Variants in ATCAY observed in about 807,000 individuals in gnomAD.
ATCAY encodes ATCAY kinesin light chain interacting caytaxin.
A neutral mutation model predicts 47.7 loss-of-function variants in ATCAY; 22 were observed. The observed-to-expected ratio is 0.46, with a 90% CI of 0.33 to 0.66. The LOEUF (loss-of-function observed/expected upper bound fraction) is 0.66. Among genes scored for constraint, ATCAY ranks in the 30% least tolerant of loss-of-function variants. The pLI, the probability that ATCAY is intolerant of heterozygous loss-of-function variation, is 0.02. For synonymous variants in ATCAY, 216 were observed against 207.6 expected (o/e 1.04, Z -0.35); for missense variants, 452 against 515.0 (o/e 0.88, Z 1.18).
chr19:3,919,699 C>G (rs1011352615), intron 11 of ATCAY, among the ~76,000 whole-genome samples: 1 of 150,762 alleles, frequency 6.6e-6, no homozygotes, highest in Non-Finnish European at 1.5e-5. Context: ...GAGGTCAAGG[C>G]TACAGCAAGC....
chr19:3,905,300 G>C, intron 3 of ATCAY, 134 bp from the exon 4 acceptor site: 2 of 838,016 alleles, frequency 2.4e-6, no homozygotes. Context: ...CCCGCCAATG[G>C]CATGGATACA....
chr19:3,903,696 G>A (rs1411975690), intron 3 of ATCAY, among the ~76,000 whole-genome samples: 6 of 151,584 alleles, frequency 4.0e-5, no homozygotes, highest in African/African-American at 2.4e-5. Context: ...GTTAATTTTT[G>A]TAGTTTTTTG....
intron 12 of ATCAY, among the ~76,000 whole-genome samples, chr19:3,922,477 G>A (rs560141282): frequency 5.4e-4 from 82 of 152,198 alleles, no homozygotes; most frequent in African/African-American, 1.5e-3. Context: ...GGAGGTAGCC[G>A]CCCCCATGGT....
chr19:3,913,668 G>T, intron 8 of ATCAY, 90 bp from the exon 9 acceptor site: 2 of 945,466 alleles, frequency 2.1e-6, no homozygotes, highest in Middle Eastern at 2.1e-4. Context: ...GTCCTGTGGG[G>T]ATCCCTGTCG....
intron 2 of ATCAY, among the ~76,000 whole-genome samples, chr19:3,890,163 C>T (rs752864892): frequency 7.4e-5 from 11 of 149,376 alleles, no homozygotes; most frequent in South Asian, 6.3e-4. Context: ...AGGCTGGTCT[C>T]GAACTCTCAA....
intron 6 of ATCAY, 108 bp from the exon 7 acceptor site, chr19:3,909,378 G>T: frequency 7.4e-7 from 1 of 1,359,466 alleles, no homozygotes. Context: ...GACCAGTGGG[G>T]CTGACCCAGC....
intron 7 of ATCAY, 35 bp downstream of exon 7, chr19:3,909,652 G>C (rs367915484): frequency 3.2e-6 from 5 of 1,552,560 alleles, no homozygotes; most frequent in Middle Eastern, 3.3e-4. Context: ...CACAGTGGGG[G>C]CATGAAAATC....
rs564953293 is a variant in ATCAY at position 3,905,600 on chromosome 19, C to T, written c.303C>T (p.Pro101=). The part of the protein sequence containing the change: ...LDINVDDIET[P]DETDSLEFLG... ...TTAACGTGGATGACATCGAGACCCC[C>T]GATGAGACCGACTCGCTGGAGTTCC... The change falls in exon 4 of 13, where the codon CCC becomes CCT. Residue 101 remains proline, a synonymous_variant. Transcript: ENST00000450849. The T allele has an allele frequency of 3.7e-6, 6 of 1,613,684 alleles. No homozygotes were observed. In the African/African-American group the frequency reaches 5.3e-5, roughly 14 times the overall value.
Position 3,920,748 on chromosome 19 carries a change from T to C in ATCAY, c.1074-18T>C. 1 of 1,596,850 alleles carries C rather than the reference T, an allele frequency of 6.3e-7. No individual in the cohort carries two copies. The highest frequency in any genetic ancestry group is 8.5e-7 in the Non-Finnish European group (1 of 1,169,684). On this transcript the variant is annotated intron_variant, in intron 11 of 12. Transcript: ENST00000450849. ...AAAAATAAGCAAATAACGCCCAGTC[T>C]CCGTCTCTCCTCCACAGGTCTGCTC...
Position 3,923,382 on chromosome 19 carries a change from AAAG to A in ATCAY, c.1107-1197_1107-1195del, listed in dbSNP as rs146803088. On this transcript the variant is annotated intron_variant, in intron 12 of 12. Coordinates refer to ENST00000450849, the MANE Select transcript of ATCAY (RefSeq NM_033064.5). ...GCATGTTTTAACAATTAAAAACACA[AAAG>A]AAGGAATTGTAAGAAGCAATAGATG... 6.1e-3 allele frequency among the ~76,000 whole-genome samples: 936 copies of A among 152,328 alleles called. 17 individuals carry two copies. Among genetic ancestry groups the A allele is most frequent in the African/African-American group, 0.022 (902 of 41,578 alleles).
chr19:3,882,177 G>T (rs1426767288), intron 1 of ATCAY, among the ~76,000 whole-genome samples: 3 of 152,034 alleles, frequency 2.0e-5, no homozygotes, highest in African/African-American at 7.2e-5. Flanking sequence ...GAGAGTTGGG[G>T]GCCTTAGATG....
intron 3 of ATCAY, among the ~76,000 whole-genome samples, chr19:3,902,938 A>G (rs2038827890): frequency 6.6e-6 from 1 of 152,122 alleles, no homozygotes; most frequent in Admixed American, 6.6e-5. Context: ...CTCTAAACAT[A>G]TACATTTTAA....
At chr19:3,916,390 CT>C (rs1425960582) in intron 9 of ATCAY, among the ~76,000 whole-genome samples, 1 of 152,200 alleles carries the variant, frequency 6.6e-6, no homozygotes, top group Admixed American at 6.6e-5. Context: ...GTACAAATAT[CT>C]CTGTAAGACC....
intron 11 of ATCAY, among the ~76,000 whole-genome samples, chr19:3,919,753 C>CA (rs60439580): frequency 0.56 from 78,004 of 140,284 alleles, 21,708 homozygotes; most frequent in East Asian, 0.92. Flanking sequence ...GACCCTGTCT[C>CA]AAAAAAAAAA....
intron 2 of ATCAY, among the ~76,000 whole-genome samples, chr19:3,896,228 T>A (rs2038768708): frequency 6.6e-6 from 1 of 150,730 alleles, no homozygotes; most frequent in African/African-American, 2.4e-5. Flanking sequence ...ATGTAGAATC[T>A]GTGTGGACCA....
At chr19:3,897,299 A>C (rs1238846151) in intron 2 of ATCAY, among the ~76,000 whole-genome samples, 3 of 149,866 alleles carry the variant, frequency 2.0e-5, no homozygotes, top group Non-Finnish European at 4.4e-5. Flanking sequence ...ATCTATATCT[A>C]TATCTATATC....
intron 6 of ATCAY, among the ~76,000 whole-genome samples, chr19:3,908,765 T>TCCTCCCCCTCTTCCCCTTCCCTCTCCG (rs2038892508): frequency 1.2e-5 from 1 of 80,478 alleles, no homozygotes; most frequent in East Asian, 4.8e-4. Flanking sequence ...TTCCCTCTCC[T>TCCTCCCCCTCTTCCCCTTCCCTCTCCG]CCTCCCCCCT....
chr19:3,905,463 G>A lies in ATCAY; in HGVS notation c.166G>A (p.Ala56Thr), dbSNP rs2038851578. Reference protein sequence around the residue: ...SPPNTLNFNGAHRKRKTLVAP... With the variant: ...SPPNTLNFNGTHRKRKTLVAP... ...TCCCAACACGCTAAATTTCAACGGA[G>A]CGCATCGTAAGAGGAAGACGCTGGT... Residue 56 changes from alanine (A) to threonine (T), a missense_variant, in exon 4 of 13, where the codon GCG (alanine) becomes ACG (threonine). Ala to Thr is a moderately conservative substitution (Grantham distance 58). Coordinates refer to ENST00000450849, the MANE Select transcript of ATCAY (RefSeq NM_033064.5). 4 of 1,612,872 alleles carry A rather than the reference G, an allele frequency of 2.5e-6. No individual in the cohort carries two copies. The African/African-American group carries it at 4.0e-5, about 16-fold the overall frequency.
At chr19:3,884,505 T>C (rs2038629938) in intron 1 of ATCAY, among the ~76,000 whole-genome samples, 1 of 152,074 alleles carries the variant, frequency 6.6e-6, no homozygotes, top group Non-Finnish European at 1.5e-5. Context: ...GAACTTGGCA[T>C]TCCCAGCACG....
Sources: gnomAD v4.1 joint callset for allele counts (sites outside exome capture counted in the v4.1 genomes callset) on GRCh38, gnomAD v4.1.1 for gene constraint, MANE v1.5 for transcripts, NCBI Gene and HGNC (gene_info 2026-07-23, HGNC 2026-07-21) for gene names.